PBRM1: variants seen among roughly 807,000 people sequenced by gnomAD.
PBRM1 encodes protein polybromo-1.
A neutral mutation model predicts 194.5 loss-of-function variants in PBRM1; 27 were observed. The ratio of observed to expected loss-of-function variants is 0.14; its 90% CI spans 0.10 to 0.19. PBRM1 has a LOEUF of 0.19. Ranked by LOEUF, PBRM1 falls within the 10% of genes least tolerant of loss-of-function variation. PBRM1 has a pLI of 1.00. For synonymous variants in PBRM1, 655 were observed against 693.2 expected (o/e 0.94, Z 0.87); for missense variants, 1,466 against 2,077.2 (o/e 0.71, Z 5.72).
intron 29 of PBRM1, among the ~76,000 whole-genome samples, chr3:52,549,723 G>A (rs2080404224): frequency 6.6e-6 from 1 of 151,900 alleles, no homozygotes; most frequent in Admixed American, 6.6e-5. Flanking sequence ...TGGCCAAAAC[G>A]GCGAAACCCC....
At chr3:52,632,076 T>C (rs1194972238) in intron 11 of PBRM1, among the ~76,000 whole-genome samples, 2 of 152,242 alleles carry the variant, frequency 1.3e-5, no homozygotes, top group African/African-American at 4.8e-5. Flanking sequence ...CTATTGTGAA[T>C]GCTGCTGCTG....
At chr3:52,585,316 A>T (rs1213634465) in intron 20 of PBRM1, among the ~76,000 whole-genome samples, 1 of 152,146 alleles carries the variant, frequency 6.6e-6, no homozygotes, top group Admixed American at 6.5e-5. Context: ...CCTTAAAGAA[A>T]AAGTCACCTA....
intron 21 of PBRM1, among the ~76,000 whole-genome samples, chr3:52,577,243 C>T (rs545921760): frequency 5.9e-5 from 9 of 152,098 alleles, no homozygotes; most frequent in African/African-American, 2.2e-4. Flanking sequence ...CCAGCCTGGA[C>T]AACATGGTGA....
chr3:52,598,578 G>C (rs1273470996), intron 17 of PBRM1, among the ~76,000 whole-genome samples: 1 of 152,064 alleles, frequency 6.6e-6, no homozygotes, highest in Non-Finnish European at 1.5e-5. Flanking sequence ...CACTTTTTGG[G>C]CTTTTGTTAT....
downstream of PBRM1, chr3:52,546,759 T>C (rs2079733525): frequency 4.3e-6 from 1 of 233,022 alleles, no homozygotes. Context: ...TGTAGGGTCA[T>C]ATAAGAAAGA....
intron 22 of PBRM1, among the ~76,000 whole-genome samples, chr3:52,573,976 A>C (rs2088449192): frequency 6.6e-6 from 1 of 152,238 alleles, no homozygotes; most frequent in Non-Finnish European, 1.5e-5. Context: ...CCTGTCAGGC[A>C]GCTTTCTAAA....
intron 4 of PBRM1, 47 bp from the exon 6 acceptor site, chr3:52,658,362 G>T: frequency 1.0e-6 from 1 of 998,336 alleles, no homozygotes; most frequent in Non-Finnish European, 1.6e-6. Flanking sequence ...ATAATAAAAT[G>T]CTGAATATTA....
At chr3:52,606,674 C>T (rs1036294549) in intron 16 of PBRM1, among the ~76,000 whole-genome samples, 1 of 152,046 alleles carries the variant, frequency 6.6e-6, no homozygotes, top group African/African-American at 2.4e-5. Flanking sequence ...TCTAAATTCC[C>T]CTCAATTGGT....
chr3:52,609,955 C>G lies in PBRM1; in HGVS notation c.1925G>C (p.Ser642Thr). 1 of 1,468,172 alleles carries G rather than the reference C, an allele frequency of 6.8e-7. No homozygotes were observed. The highest frequency in any genetic ancestry group is 9.1e-7 in the Non-Finnish European group (1 of 1,099,872). The allele number at this position is 1,468,172 out of a possible 1,614,324, so 90.9% of individuals were successfully genotyped here. The change falls in exon 16 of 30, where the codon AGT becomes ACT. Residue 642 changes from serine to threonine, a missense_variant and splice_region_variant. This residue lies in a region of PBRM1 where 687 missense variants were observed against 946.2 expected (regional missense o/e 0.73). Transcript: ENST00000296302. This position sits in a 1 kb window ranked among gnomAD's most constrained non-coding sequence, Gnocchi z 4.1. ...TTTAGGAGAAATGCCACTCTTCCTA[C>G]CTAAAGAGAGATATTTAATGTTAAA...
At chr3:52,628,126 T>C (rs1005049415) in intron 12 of PBRM1, among the ~76,000 whole-genome samples, 2 of 152,306 alleles carry the variant, frequency 1.3e-5, no homozygotes, top group East Asian at 3.9e-4. Flanking sequence ...GATAAATTCA[T>C]AGACAATATA....
intron 20 of PBRM1, among the ~76,000 whole-genome samples, chr3:52,582,070 C>T (rs2091357487): frequency 1.3e-5 from 2 of 151,846 alleles, no homozygotes; most frequent in Admixed American, 1.3e-4. Flanking sequence ...TGGTAGAAAT[C>T]CGTCTCTACT....
At chr3:52,572,350 C>G (rs7625743) in intron 22 of PBRM1, among the ~76,000 whole-genome samples, 69,149 of 151,898 alleles carry the variant, frequency 0.46, 16,087 homozygotes, top group African/African-American at 0.52. Context: ...CTGTCTGCCA[C>G]ATGTGGCCAT....
chr3:52,621,400 T>G (rs2095269141), intron 13 of PBRM1, among the ~76,000 whole-genome samples: 1 of 152,116 alleles, frequency 6.6e-6, no homozygotes, highest in African/African-American at 2.4e-5. Context: ...CCTGACCTCA[T>G]GATCTGCCCG....
chr3:52,645,703 C>T (rs1044535794), intron 7 of PBRM1, among the ~76,000 whole-genome samples: 8 of 152,088 alleles, frequency 5.3e-5, no homozygotes, highest in African/African-American at 1.9e-4. Context: ...TACACAGTGA[C>T]TAACGGCAGG....
At chr3:52,665,920 C>T (rs1407457353) in intron 3 of PBRM1, among the ~76,000 whole-genome samples, 1 of 152,028 alleles carries the variant, frequency 6.6e-6, no homozygotes, top group Admixed American at 6.6e-5. Flanking sequence ...CTAAAGTCTT[C>T]GTATTGTTTG....
At chr3:52,628,455 TTA>T (rs935438509) in intron 12 of PBRM1, among the ~76,000 whole-genome samples, 2 of 138,664 alleles carry the variant, frequency 1.4e-5, no homozygotes, top group Admixed American at 7.8e-5. Flanking sequence ...AATACATATT[TTA>T]TATATATATT....
At chr3:52,563,412 T>C (rs1050623311) in exon 24 of PBRM1, 1 of 1,613,902 alleles carries the variant, frequency 6.2e-7, no homozygotes, top group African/African-American at 1.3e-5. Context: ...CTCCACCTTC[T>C]AACTCGGCAA....
chr3:52,579,199 C>T (rs2153687567), exon 21 of PBRM1: 1 of 1,613,734 alleles, frequency 6.2e-7, no homozygotes, highest in Non-Finnish European at 8.5e-7. Flanking sequence ...TCTTCTTTTT[C>T]CTGTTGTAAA....
chr3:52,562,960 G>A (rs1304598369), intron 24 of PBRM1, among the ~76,000 whole-genome samples: 7 of 152,058 alleles, frequency 4.6e-5, no homozygotes, highest in Non-Finnish European at 4.4e-5. Context: ...GACAAACAGG[G>A]TGATGTTGCT....
Sources: gnomAD v4.1 joint callset for allele counts (sites outside exome capture counted in the v4.1 genomes callset) on GRCh38, gnomAD v4.1.1 for gene constraint, gnomAD v4.1.1 regional missense constraint, Gnocchi (gnomAD v3.1) non-coding constraint, MANE v1.5 for transcripts, NCBI Gene and HGNC (gene_info 2026-07-23, HGNC 2026-07-21) for gene names.